The following PGM5 variants were observed in gnomAD, a reference collection of about 807,000 sequenced individuals.
PGM5 encodes phosphoglucomutase 5, also known as phosphoglucomutase-like protein 5.
PGM5 carries 23 observed loss-of-function variants against 59.2 expected under a neutral mutation model. That is an observed-to-expected ratio of 0.39 (90% CI 0.28 to 0.55). The LOEUF (loss-of-function observed/expected upper bound fraction) is 0.55. Among genes scored for constraint, PGM5 ranks in the 20% least tolerant of loss-of-function variants. The probability of loss-of-function intolerance (pLI) is 0.66; values close to 1 mark genes in which losing one functional copy is unlikely to be tolerated. For synonymous variants in PGM5, 214 were observed against 286.0 expected, an observed-to-expected ratio of 0.75 and a Z score of 2.54; for missense variants, 574 against 748.3, an observed-to-expected ratio of 0.77 and a Z score of 2.72.
In PGM5 at chr9:68,491,724, G is replaced by A. The variant is rs144369120; in HGVS notation, c.1480-7503G>A. 5.3e-4 allele frequency among the ~76,000 whole-genome samples: 81 copies of A among 152,332 alleles called. No homozygotes were observed. The East Asian group carries it at 8.5e-3, about 16-fold the overall frequency. ...TGATTTGAAAATAAAATGGGAAGCT[G>A]GGTGCAATGGCTTATGCCTGTAGTC... On this transcript the variant is annotated intron_variant, in intron 9 of 10. Transcript: ENST00000396396.
chr9:68,483,881 T>G lies in PGM5; in HGVS notation c.1312T>G (p.Leu438Val). The G allele has an allele frequency of 6.2e-7, 1 of 1,614,030 alleles. No individual in the cohort carries two copies. The highest frequency in any genetic ancestry group is 8.5e-7 in the Non-Finnish European group (1 of 1,179,970). The change falls in exon 9 of 11, where the codon TTG (leucine) becomes GTG (valine). Residue 438 changes from leucine (L) to valine (V), a missense_variant. By Grantham distance (32) the Leu-to-Val change is conservative. Transcript: ENST00000396396. The part of the protein sequence containing the change: ...HYYCRFDYEG[L>V]DPKTTYYIMR... ...CCTCACCAGGTTTGACTATGAGGGG[T>G]TGGATCCCAAGACGACATATTATAT...
intron 1 of PGM5, among the ~76,000 whole-genome samples, chr9:68,376,765 ATTTC>A (rs71353048): frequency 0.12 from 11,701 of 96,270 alleles, 966 homozygotes; most frequent in Middle Eastern, 0.18. Context: ...GAGGTTCTGC[ATTTC>A]TTTCTTTCTT....
At chr9:68,364,316 G>A (rs192211801) in intron 1 of PGM5, among the ~76,000 whole-genome samples, 3 of 152,204 alleles carry the variant, frequency 2.0e-5, no homozygotes, top group African/African-American at 4.8e-5. Context: ...GAATATACTT[G>A]GTTTTGCATT....
At chr9:68,451,440 C>T (rs772606871) in intron 6 of PGM5, among the ~76,000 whole-genome samples, 6 of 152,110 alleles carry the variant, frequency 3.9e-5, no homozygotes, top group South Asian at 2.1e-4. Flanking sequence ...CTTGTAGCCT[C>T]GTCATTTCAA....
intron 6 of PGM5, among the ~76,000 whole-genome samples, chr9:68,424,570 A>G (rs540153607): frequency 2.6e-5 from 4 of 152,348 alleles, no homozygotes; most frequent in African/African-American, 9.6e-5. Context: ...TTTTGGGTCA[A>G]CCAAAGCTAT....
intron 10 of PGM5, among the ~76,000 whole-genome samples, chr9:68,521,481 T>G (rs1824899214): frequency 6.6e-6 from 1 of 152,216 alleles, no homozygotes; most frequent in African/African-American, 2.4e-5. Context: ...TTTGTTTTTT[T>G]AACCTCGGTT....
intron 7 of PGM5, among the ~76,000 whole-genome samples, chr9:68,467,985 T>G (rs1451256864): frequency 5.3e-5 from 8 of 152,140 alleles, no homozygotes; most frequent in African/African-American, 1.2e-4. Context: ...AAAATATTTT[T>G]TGTGTTTTTC....
intron 6 of PGM5, chr9:68,405,830 C>T (rs1822796188): frequency 8.2e-6 from 1 of 121,538 alleles, no homozygotes; most frequent in Non-Finnish European, 1.8e-5. Flanking sequence ...CTTCCATGTT[C>T]CCTTTTCCTT....
intron 6 of PGM5, among the ~76,000 whole-genome samples, chr9:68,459,868 T>A (rs1823831463): frequency 1.3e-5 from 2 of 152,068 alleles, no homozygotes; most frequent in Admixed American, 1.3e-4. Context: ...TATCTGCCTT[T>A]AAAAAAAACT....
chr9:68,424,215 TG>T (rs2132050388), intron 6 of PGM5, among the ~76,000 whole-genome samples: 1 of 152,334 alleles, frequency 6.6e-6, no homozygotes, highest in East Asian at 1.9e-4. Context: ...AAGTGTTTCA[TG>T]GAACACCCTT....
chr9:68,390,610 G>A (rs1822339613), intron 4 of PGM5, among the ~76,000 whole-genome samples: 2 of 152,092 alleles, frequency 1.3e-5, no homozygotes, highest in African/African-American at 4.8e-5. Context: ...GAAAATAAGT[G>A]GAAAGCAATA....
chr9:68,454,514 C>T (rs958366933), intron 6 of PGM5, among the ~76,000 whole-genome samples: 13 of 152,200 alleles, frequency 8.5e-5, no homozygotes, highest in African/African-American at 3.1e-4. Context: ...GATGATGCCG[C>T]AGTAGGAGAG....
chr9:68,468,140 C>T (rs1156664103), intron 7 of PGM5, among the ~76,000 whole-genome samples: 1 of 151,944 alleles, frequency 6.6e-6, no homozygotes, highest in Non-Finnish European at 1.5e-5. Context: ...GGAATTAAGC[C>T]CAGTACCCAA....
intron 6 of PGM5, among the ~76,000 whole-genome samples, chr9:68,441,153 A>G (rs1432356888): frequency 1.3e-5 from 2 of 152,092 alleles, no homozygotes; most frequent in Non-Finnish European, 2.9e-5. Flanking sequence ...AATTGACTTC[A>G]TAGTTTAAAA....
chr9:68,375,183 G>T (rs1199502478), intron 1 of PGM5, among the ~76,000 whole-genome samples: 1 of 152,180 alleles, frequency 6.6e-6, no homozygotes, highest in African/African-American at 2.4e-5. Context: ...GGGGAGAAGT[G>T]TCCATGCCAT....
At chr9:68,426,167 A>C (rs1823234042) in intron 6 of PGM5, among the ~76,000 whole-genome samples, 1 of 151,952 alleles carries the variant, frequency 6.6e-6, no homozygotes, top group South Asian at 2.1e-4. Context: ...GGAAAGGAGG[A>C]ATTTGGGGTG....
chr9:68,446,680 A>G (rs1554684018), intron 6 of PGM5, among the ~76,000 whole-genome samples: 1 of 152,242 alleles, frequency 6.6e-6, no homozygotes, highest in African/African-American at 2.4e-5. Flanking sequence ...CACTTTCTCT[A>G]ATACTGGGGT....
At chr9:68,397,200 A>C (rs1292092584) in intron 6 of PGM5, 1 of 152,786 alleles carries the variant, frequency 6.5e-6, no homozygotes, top group Non-Finnish European at 1.5e-5. Flanking sequence ...AAATGATTTC[A>C]GAAGTAAAAC....
chr9:68,386,994 T>C (rs577782758), intron 3 of PGM5, among the ~76,000 whole-genome samples: 1 of 151,912 alleles, frequency 6.6e-6, no homozygotes. Context: ...CACAATGGCT[T>C]TTGGAAAATA....
Sources: gnomAD v4.1 joint callset for allele counts (sites outside exome capture counted in the v4.1 genomes callset) on GRCh38, gnomAD v4.1.1 for gene constraint, MANE v1.5 for transcripts, NCBI Gene and HGNC (gene_info 2026-07-23, HGNC 2026-07-21) for gene names.